Variants in PIK3CB observed in about 807,000 individuals in gnomAD.
PIK3CB encodes the protein phosphatidylinositol 4,5-bisphosphate 3-kinase catalytic subunit beta isoform.
Under a neutral mutation model 136.8 loss-of-function variants are expected in PIK3CB, and 39 were observed. The observed-to-expected ratio is 0.29, with a 90% CI of 0.22 to 0.37. The LOEUF is 0.37. Ranked by LOEUF, PIK3CB falls within the 10% of genes least tolerant of loss-of-function variation. The probability of loss-of-function intolerance (pLI) is 1.00; values close to 1 mark genes in which losing one functional copy is unlikely to be tolerated. For missense variants in PIK3CB, 868 were observed against 1,275.4 expected (o/e 0.68, Z 4.87); for synonymous variants, 428 against 436.6 (o/e 0.98, Z 0.25).
chr3:138,690,392 G>C (rs962453096), intron 15 of PIK3CB, among the ~76,000 whole-genome samples: 7 of 152,028 alleles, frequency 4.6e-5, no homozygotes, highest in South Asian at 2.1e-4. Context: ...TCAGAAATGA[G>C]AAATCTATTA....
intron 1 of PIK3CB, among the ~76,000 whole-genome samples, chr3:138,815,156 AAAAAAAAT>A (rs1440807256): frequency 8.5e-6 from 1 of 117,770 alleles, no homozygotes; most frequent in Non-Finnish European, 1.8e-5. Context: ...AAAAAAAAAA[AAAAAAAAT>A]ATATATATAT....
intron 1 of PIK3CB, among the ~76,000 whole-genome samples, chr3:138,813,231 T>TCC (rs914681885): frequency 2.0e-5 from 3 of 152,080 alleles, no homozygotes; most frequent in African/African-American, 4.8e-5. Context: ...GTCAAGAGAA[T>TCC]CCCTCTGCTC....
chr3:138,731,991 A>C (rs1415234367), intron 8 of PIK3CB, among the ~76,000 whole-genome samples: 1 of 152,164 alleles, frequency 6.6e-6, no homozygotes, highest in Non-Finnish European at 1.5e-5. Flanking sequence ...TCAAAAAAAA[A>C]AAAGAAAAAT....
intron 21 of PIK3CB, among the ~76,000 whole-genome samples, chr3:138,660,392 A>AC (rs1553717808): frequency 1.3e-5 from 2 of 152,232 alleles, no homozygotes; most frequent in Non-Finnish European, 2.9e-5. Context: ...GATACAATAT[A>AC]TTTTTTTGCT....
intron 20 of PIK3CB, 108 bp from the exon 21 acceptor site, chr3:138,664,137 G>C (rs1210726081): frequency 7.7e-7 from 1 of 1,298,588 alleles, no homozygotes; most frequent in African/African-American, 1.5e-5. Flanking sequence ...GGAGAACACA[G>C]AGCTGCCAAA....
intron 2 of PIK3CB, chr3:138,770,667 A>C (rs1420553317): frequency 6.6e-6 from 1 of 152,128 alleles, no homozygotes; most frequent in Non-Finnish European, 1.5e-5. Context: ...TCGGAAAAAA[A>C]AAAGAATTCT....
chr3:138,763,778 T>G (rs1214578689), intron 2 of PIK3CB, among the ~76,000 whole-genome samples: 1 of 152,158 alleles, frequency 6.6e-6, no homozygotes, highest in Non-Finnish European at 1.5e-5. Context: ...ATTCTAAATT[T>G]CTAAGCCATT....
chr3:138,746,314 G>A (rs1255667326), intron 4 of PIK3CB, among the ~76,000 whole-genome samples: 1 of 152,088 alleles, frequency 6.6e-6, no homozygotes, highest in Non-Finnish European at 1.5e-5. Context: ...TTCTAGGTCA[G>A]GAAAAATAAC....
intron 2 of PIK3CB, among the ~76,000 whole-genome samples, chr3:138,787,302 G>A (rs1227268045): frequency 6.7e-6 from 1 of 150,324 alleles, no homozygotes; most frequent in Non-Finnish European, 1.5e-5. Context: ...GGAGGCAGAT[G>A]CTCCAGTGAG....
intron 1 of PIK3CB, among the ~76,000 whole-genome samples, chr3:138,814,930 G>A (rs1417156337): frequency 2.0e-5 from 3 of 152,018 alleles, no homozygotes; most frequent in East Asian, 1.9e-4. Flanking sequence ...GAGGTCAAGA[G>A]ATCGAGACCA....
intron 19 of PIK3CB, among the ~76,000 whole-genome samples, chr3:138,676,555 A>ACT (rs1219309080): frequency 6.6e-6 from 1 of 152,242 alleles, no homozygotes; most frequent in Non-Finnish European, 1.5e-5. Flanking sequence ...ATCTATGTAT[A>ACT]GTTTTATAGC....
intron 19 of PIK3CB, among the ~76,000 whole-genome samples, chr3:138,674,669 GTCCTTCAGGAAAATCAAATTT>G (rs556703970): frequency 1.3e-5 from 2 of 152,190 alleles, no homozygotes; most frequent in South Asian, 4.1e-4. Flanking sequence ...CAATGAAACC[GTCCTTCAGGAAAATCAAATTT>G]TCAACTTATT....
chr3:138,683,842 T>C, intron 17 of PIK3CB, 55 bp from the exon 18 acceptor site: 1 of 912,964 alleles, frequency 1.1e-6, no homozygotes, highest in South Asian at 1.3e-5. Flanking sequence ...CAGAAGATTA[T>C]AATTTTACCA....
At chr3:138,814,802 G>A (rs1345645360) in intron 1 of PIK3CB, among the ~76,000 whole-genome samples, 3 of 151,860 alleles carry the variant, frequency 2.0e-5, no homozygotes, top group African/African-American at 4.8e-5. Flanking sequence ...AGGAATTCTA[G>A]CCCAGCCTGG....
At chr3:138,712,830 G>A (rs949357462) in intron 9 of PIK3CB, among the ~76,000 whole-genome samples, 8 of 152,130 alleles carry the variant, frequency 5.3e-5, no homozygotes, top group African/African-American at 1.9e-4. Context: ...GCCTCTTAAA[G>A]TGTTGGAATT....
chr3:138,744,392 C>CAAAAAAAAAAAAAAAAAAAAAAAAAAAA lies in PIK3CB; in HGVS notation c.398-1639_398-1612dup, dbSNP rs60503033. Among the ~76,000 whole-genome samples the CAAAAAAAAAAAAAAAAAAAAAAAAAAAA allele has an allele frequency of 6.7e-4, 30 of 45,108 alleles. 14 individuals are homozygous for CAAAAAAAAAAAAAAAAAAAAAAAAAAAA. The highest frequency in any genetic ancestry group is 1.9e-3 in the East Asian group (4 of 2,060). The allele number at this position is 45,108 out of a possible 152,430, so 29.6% of individuals were successfully genotyped here. ...ACTGGGTGACAGAGCGAGACTCCCC[C>CAAAAAAAAAAAAAAAAAAAAAAAAAAAA]AAAAAAAAAAAAAAAAAAAAAAAAA... On this transcript the variant is annotated intron_variant, in intron 4 of 23. Transcript: ENST00000674063.
Position 138,682,025 on chromosome 3 carries a change from T to C in PIK3CB, c.2446A>G (p.Thr816Ala), listed in dbSNP as rs2108481113. 1 of 1,611,784 alleles carries C rather than the reference T, an allele frequency of 6.2e-7. No individual in the cohort carries two copies. Among genetic ancestry groups the C allele is most frequent in the Non-Finnish European group, 8.5e-7 (1 of 1,178,910 alleles). Residue 816 changes from threonine to alanine, a missense_variant, in exon 19 of 24, where the codon ACA becomes GCA. Thr to Ala is a moderately conservative substitution (Grantham distance 58). This residue lies in a region of PIK3CB where 165 missense variants were observed against 295.4 expected (regional missense o/e 0.56). Coordinates refer to ENST00000674063, the MANE Select transcript of PIK3CB (RefSeq NM_006219.3). ...TCCATCAAGCGCAACATTTGGAGTG[T>C]CAACATATCCTGTCGTAAATCTAAG... ...NGDDLRQDML[T>A]LQMLRLMDLL...
At chr3:138,709,956 T>C (rs1454596893) in intron 10 of PIK3CB, among the ~76,000 whole-genome samples, 1 of 144,062 alleles carries the variant, frequency 6.9e-6, no homozygotes, top group Non-Finnish European at 1.5e-5. Flanking sequence ...GAGGTGAAAA[T>C]CACTTGAGCC....
intron 8 of PIK3CB, 72 bp from the exon 9 acceptor site, chr3:138,714,791 G>A (rs1314342778): frequency 2.3e-6 from 3 of 1,320,328 alleles, no homozygotes; most frequent in Non-Finnish European, 3.1e-6. Context: ...CTTTTTGTTT[G>A]TTTGTTTGTT....
Sources: allele counts gnomAD v4.1 joint callset (sites outside exome capture counted in the v4.1 genomes callset), GRCh38; gene constraint gnomAD v4.1.1; regional missense constraint gnomAD v4.1.1; transcripts MANE v1.5; gene names NCBI Gene and HGNC (gene_info 2026-07-23, HGNC 2026-07-21).